PLEKHS1: variants seen among roughly 807,000 people sequenced by gnomAD.
PLEKHS1 encodes the protein pleckstrin homology domain containing S1.
A neutral mutation model predicts 51.0 loss-of-function variants in PLEKHS1; 55 were observed. The observed-to-expected ratio is 1.08, with a 90% CI of 0.87 to 1.35. PLEKHS1 has a LOEUF of 1.35. PLEKHS1 is among the 40% of genes most tolerant of loss of function. The pLI is 0.00. For synonymous variants in PLEKHS1, 153 were observed against 144.8 expected (o/e 1.06, Z -0.41); for missense variants, 398 against 423.0 (o/e 0.94, Z 0.52).
chr10:113,771,545 C>A lies in PLEKHS1; in HGVS notation c.553-425C>A, dbSNP rs141362947. On this transcript the variant is annotated intron_variant, in intron 7 of 11. Transcript: ENST00000361048. The stretch of plus-strand genomic sequence containing the variant: ...CAAAAATTAGCTATGCATGGTGATG[C>A]GCGCCTGTATTCCCAGCTACTCAGG... Among the ~76,000 whole-genome samples the A allele has an allele frequency of 4.5e-3, 676 of 151,832 alleles. 11 individuals are homozygous for A. The highest frequency in any genetic ancestry group is 0.016 in the African/African-American group (653 of 41,400).
At chr10:113,760,432 T>C (rs1462739455) in intron 2 of PLEKHS1, among the ~76,000 whole-genome samples, 2 of 152,310 alleles carry the variant, frequency 1.3e-5, no homozygotes, top group South Asian at 2.1e-4. Context: ...GGCAGTAGTA[T>C]TGCTTGAGCA....
chr10:113,758,459 C>T (rs1354659807), intron 2 of PLEKHS1, among the ~76,000 whole-genome samples: 1 of 152,038 alleles, frequency 6.6e-6, no homozygotes, highest in Non-Finnish European at 1.5e-5. Flanking sequence ...CAGGTCTCTG[C>T]AGTGGGCTTC....
At position 113,777,799 on chromosome 10, in the gene PLEKHS1, T is replaced by C. The variant is rs1039685500; in HGVS notation, c.1091+1933T>C. On this transcript the variant is annotated intron_variant, in intron 11 of 11. Coordinates refer to ENST00000361048, the Ensembl canonical transcript of PLEKHS1. ...ATTATCTCAGAAATCGTCACAGCCC[T>C]AACTTCCTCATAGAATATTGCAAGA... 3.5e-6 allele frequency: 5 copies of C among 1,432,228 alleles called. No individual in the cohort carries two copies. In the African/African-American group the frequency reaches 7.2e-5, roughly 21 times the overall value. 88.7% of individuals were successfully genotyped at this position (1,432,228 alleles called of 1,614,324 possible). A position where few individuals can be genotyped will look rare whatever the true frequency, so the allele number is the denominator to read the frequency against.
At chr10:113,758,061 C>T (rs890388357) in intron 2 of PLEKHS1, among the ~76,000 whole-genome samples, 1 of 152,146 alleles carries the variant, frequency 6.6e-6, no homozygotes, top group Non-Finnish European at 1.5e-5. Flanking sequence ...AGTTTTGAAC[C>T]CCTCAAAGTC....
Position 113,771,972 on chromosome 10 carries a change from T to A in PLEKHS1, c.555T>A (p.His185Gln). 6.2e-7 allele frequency: 1 copy of A among 1,609,802 alleles called. No individual in the cohort carries two copies. The highest frequency in any genetic ancestry group is 8.5e-7 in the Non-Finnish European group (1 of 1,179,138). ...GCATTTTTATCTCTTTTCTTCAGCA[T>A]TTAATGGAACAAAGTTCTCCAGGAT... Residue 185 changes from histidine to glutamine, a missense_variant and splice_region_variant, in exon 8 of 12, where the codon CAT becomes CAA. Physicochemically the swap from His to Gln is conservative, Grantham distance 24. Transcript: ENST00000361048.
At chr10:113,775,104 T>A (rs1844591228) in intron 10 of PLEKHS1, 69 bp downstream of exon 10, 2 of 1,339,704 alleles carry the variant, frequency 1.5e-6, no homozygotes, top group South Asian at 1.4e-5. Flanking sequence ...CTTTTTTTTT[T>A]AACTTAGAAT....
chr10:113,775,767 A>C, exon 11 of PLEKHS1: 1 of 1,610,138 alleles, frequency 6.2e-7, no homozygotes, highest in Non-Finnish European at 8.5e-7. Context: ...GTTCATAGTA[A>C]TATCCCCGAT....
intron 2 of PLEKHS1, chr10:113,765,240 C>A: frequency 1.9e-6 from 1 of 529,934 alleles, no homozygotes; most frequent in East Asian, 2.8e-5. Context: ...TCTTCTAAGT[C>A]TTTCATGATT....
At chr10:113,775,243 G>A (rs892992957) in intron 10 of PLEKHS1, among the ~76,000 whole-genome samples, 5 of 151,942 alleles carry the variant, frequency 3.3e-5, no homozygotes, top group Admixed American at 6.6e-5. Context: ...CTGGGGCGGG[G>A]GGTGGCATTT....
chr10:113,774,346 G>A lies in PLEKHS1; in HGVS notation c.779+13G>A. On this transcript the variant is annotated intron_variant, in intron 9 of 11. Coordinates refer to ENST00000361048, the Ensembl canonical transcript of PLEKHS1. ...CAATGGAATCCTAGTAAGTCAAAAT[G>A]CCGTTTCAAAATTTGATGTTTGCTC... 3 of 1,484,944 alleles carry A rather than the reference G, an allele frequency of 2.0e-6. No homozygotes were observed. 92.0% of individuals were successfully genotyped at this position (1,484,944 alleles called of 1,614,324 possible).
At chr10:113,773,195 GTAAA>G (rs1844493499) in intron 8 of PLEKHS1, among the ~76,000 whole-genome samples, 1 of 152,206 alleles carries the variant, frequency 6.6e-6, no homozygotes, top group African/African-American at 2.4e-5. Context: ...GTGGTGCATT[GTAAA>G]TAGTCAAGTC....
exon 4 of PLEKHS1, chr10:113,766,673 C>T (rs1844175414): frequency 1.2e-6 from 2 of 1,612,602 alleles, no homozygotes; most frequent in Non-Finnish European, 1.7e-6. Flanking sequence ...TTTAGTCTTT[C>T]CTATTATAAA....
intron 2 of PLEKHS1, among the ~76,000 whole-genome samples, chr10:113,764,007 A>T (rs1012870159): frequency 6.6e-6 from 1 of 152,206 alleles, no homozygotes; most frequent in Non-Finnish European, 1.5e-5. Flanking sequence ...ATATCTAAAA[A>T]GTCTTTAAAT....
chr10:113,757,222 A>G (rs1331909479), intron 2 of PLEKHS1, among the ~76,000 whole-genome samples: 1 of 152,178 alleles, frequency 6.6e-6, no homozygotes, highest in Non-Finnish European at 1.5e-5. Flanking sequence ...CTGATTGGCC[A>G]TATTTTTAAT....
At chr10:113,774,260 G>A in exon 9 of PLEKHS1, 2 of 1,601,662 alleles carry the variant, frequency 1.2e-6, no homozygotes. Flanking sequence ...TGATTCTGGT[G>A]AATCCATTGA....
intron 11 of PLEKHS1, 132 bp downstream of exon 12, chr10:113,777,391 T>G (rs1306416822): frequency 1.2e-6 from 2 of 1,610,400 alleles, no homozygotes; most frequent in Non-Finnish European, 1.7e-6. Flanking sequence ...CAAGTGCAAA[T>G]AACAGAATGT....
At chr10:113,753,983 C>T (rs1593000811) in intron 1 of PLEKHS1, among the ~76,000 whole-genome samples, 2 of 151,782 alleles carry the variant, frequency 1.3e-5, no homozygotes, top group South Asian at 2.1e-4. Context: ...AATTTTTGTA[C>T]TTTTAGTAGA....
At chr10:113,764,273 G>C (rs998708386) in intron 2 of PLEKHS1, among the ~76,000 whole-genome samples, 1 of 152,032 alleles carries the variant, frequency 6.6e-6, no homozygotes, top group South Asian at 2.1e-4. Context: ...GCTAATTTTT[G>C]TATTTTTGTA....
chr10:113,752,833 A>G (rs950576761), intron 1 of PLEKHS1, among the ~76,000 whole-genome samples: 4 of 152,186 alleles, frequency 2.6e-5, no homozygotes, highest in Admixed American at 6.5e-5. Context: ...GCACACTTTG[A>G]CATCCACAGG....
Sources: allele counts gnomAD v4.1 joint callset (sites outside exome capture counted in the v4.1 genomes callset), GRCh38; gene constraint gnomAD v4.1.1; transcripts MANE v1.5; gene names NCBI Gene and HGNC (gene_info 2026-07-23, HGNC 2026-07-21).